The following NRXN1 variants were observed in gnomAD, a reference collection of about 807,000 sequenced individuals.
NRXN1 encodes neurexin 1, also known as neurexin-1.
In NRXN1, 39 loss-of-function variants were observed where a neutral mutation model predicts 150.9. The ratio of observed to expected loss-of-function variants is 0.26; its 90% CI spans 0.20 to 0.34. NRXN1 has a LOEUF of 0.34. NRXN1 is among the 10% of genes least tolerant of loss of function. The pLI is 1.00. For synonymous variants in NRXN1, 924 were observed against 757.0 expected (o/e 1.22, Z -3.62); for missense variants, 1,815 against 1,949.9 (o/e 0.93, Z 1.30).
At chr2:50,893,300 A>G (rs552161550) in intron 5 of NRXN1, among the ~76,000 whole-genome samples, 1 of 152,314 alleles carries the variant, frequency 6.6e-6, no homozygotes, top group South Asian at 2.1e-4. Flanking sequence ...TACTTATAGT[A>G]TATGACTAAT....
At chr2:50,127,560 C>A (rs927564439) in intron 18 of NRXN1, among the ~76,000 whole-genome samples, 3 of 152,122 alleles carry the variant, frequency 2.0e-5, no homozygotes, top group Non-Finnish European at 4.4e-5. Flanking sequence ...CAGGGCTCCA[C>A]AGGAAACTGT....
At chr2:50,328,957 C>T (rs539806065) in intron 17 of NRXN1, among the ~76,000 whole-genome samples, 8 of 152,032 alleles carry the variant, frequency 5.3e-5, no homozygotes, top group Non-Finnish European at 2.9e-5. Context: ...CTCAATACCC[C>T]CTGCCTGTGG....
At chr2:50,216,273 A>G (rs923700657) in intron 18 of NRXN1, among the ~76,000 whole-genome samples, 5 of 152,054 alleles carry the variant, frequency 3.3e-5, no homozygotes, top group African/African-American at 1.2e-4. Context: ...TGAGTTAATT[A>G]TCTCAAATGT....
chr2:49,999,177 T>C (rs983230958), intron 21 of NRXN1, among the ~76,000 whole-genome samples: 2 of 152,198 alleles, frequency 1.3e-5, no homozygotes, highest in Non-Finnish European at 2.9e-5. Context: ...TTAGCTATCA[T>C]GACTTTTTAG....
intron 5 of NRXN1, among the ~76,000 whole-genome samples, chr2:50,655,635 T>C (rs1366061276): frequency 6.6e-6 from 1 of 151,400 alleles, no homozygotes; most frequent in Non-Finnish European, 1.5e-5. Flanking sequence ...GGAATAGTTA[T>C]ATTTTTTGTG....
chr2:51,001,806 C>T (rs965818657), intron 2 of NRXN1, among the ~76,000 whole-genome samples: 3 of 151,912 alleles, frequency 2.0e-5, no homozygotes, highest in African/African-American at 7.2e-5. Flanking sequence ...ACTGCAGAAG[C>T]AGGAAGGTCA....
At chr2:50,794,275 C>T (rs1160466814) in intron 5 of NRXN1, among the ~76,000 whole-genome samples, 4 of 152,126 alleles carry the variant, frequency 2.6e-5, no homozygotes, top group African/African-American at 4.8e-5. Context: ...TTCACATCCT[C>T]TTTCTTATTT....
intron 5 of NRXN1, among the ~76,000 whole-genome samples, chr2:50,749,677 G>C (rs926601726): frequency 6.6e-6 from 1 of 152,118 alleles, no homozygotes; most frequent in Non-Finnish European, 1.5e-5. Flanking sequence ...ATAACTGTTA[G>C]TGGAGAAATA....
chr2:50,104,692 G>T (rs2152715302), intron 18 of NRXN1, among the ~76,000 whole-genome samples: 1 of 152,078 alleles, frequency 6.6e-6, no homozygotes, highest in Non-Finnish European at 1.5e-5. Context: ...TCAAAAGCTT[G>T]TCCTAAATCA....
At chr2:50,427,539 A>G (rs11885804) in intron 17 of NRXN1, among the ~76,000 whole-genome samples, 22,766 of 152,116 alleles carry the variant, frequency 0.15, 2,792 homozygotes, top group East Asian at 0.53. Flanking sequence ...AGTGTCATGT[A>G]AGGAGACATC....
intron 17 of NRXN1, among the ~76,000 whole-genome samples, chr2:50,392,157 A>C (rs2081757090): frequency 6.6e-6 from 1 of 152,192 alleles, no homozygotes; most frequent in African/African-American, 2.4e-5. Context: ...CATGATAACT[A>C]GCGATGAATT....
At chr2:50,518,648 C>A (rs1156337594) in intron 12 of NRXN1, among the ~76,000 whole-genome samples, 1 of 35,246 alleles carries the variant, frequency 2.8e-5, no homozygotes, top group East Asian at 3.8e-4. Context: ...GTCACAAATG[C>A]ATTTTTTTAA....
At chr2:50,682,117 C>A (rs1437447368) in intron 5 of NRXN1, among the ~76,000 whole-genome samples, 1 of 152,142 alleles carries the variant, frequency 6.6e-6, no homozygotes, top group Non-Finnish European at 1.5e-5. Flanking sequence ...GTGCCTACTA[C>A]AAAGAGCATA....
intron 5 of NRXN1, among the ~76,000 whole-genome samples, chr2:50,663,458 G>C (rs1687594250): frequency 6.6e-6 from 1 of 151,928 alleles, no homozygotes; most frequent in Non-Finnish European, 1.5e-5. Context: ...GTAACAAACT[G>C]CCTATTCTAA....
At chr2:50,100,628 T>C (rs184820909) in intron 18 of NRXN1, among the ~76,000 whole-genome samples, 4 of 152,186 alleles carry the variant, frequency 2.6e-5, no homozygotes, top group Admixed American at 1.3e-4. Context: ...GGTACAGACA[T>C]ATCATCAAGC....
chr2:50,403,926 T>A (rs879008477), intron 17 of NRXN1, among the ~76,000 whole-genome samples: 1 of 152,100 alleles, frequency 6.6e-6, no homozygotes, highest in African/African-American at 2.4e-5. Flanking sequence ...CCTCTGAACA[T>A]AAGACAATGT....
intron 17 of NRXN1, among the ~76,000 whole-genome samples, chr2:50,380,141 T>A (rs1275001697): frequency 6.6e-6 from 1 of 152,158 alleles, no homozygotes; most frequent in Admixed American, 6.6e-5. Flanking sequence ...TTGACTACTC[T>A]TTTTAATCTT....
chr2:50,888,555 C>CCT (rs958692252), intron 5 of NRXN1, among the ~76,000 whole-genome samples: 1 of 151,098 alleles, frequency 6.6e-6, no homozygotes, highest in Non-Finnish European at 1.5e-5. Flanking sequence ...TCTTTTCCTC[C>CCT]CTCTCTCTCT....
chr2:49,944,711 C>CTAAG lies in NRXN1; in HGVS notation c.4129-924_4129-921dup, dbSNP rs1672582309. On this transcript the variant is annotated intron_variant, in intron 21 of 22. Coordinates refer to ENST00000401669, the MANE Select transcript of NRXN1 (RefSeq NM_001330078.2). ...AAGGCTTCCATCAGAGTTGGCTCTG[C>CTAAG]TAAGGTAAAACAGAGAATCCAATGT... 2.6e-5 allele frequency among the ~76,000 whole-genome samples: 4 copies of CTAAG among 152,038 alleles called. No homozygotes were observed. In the South Asian group the frequency reaches 8.3e-4, roughly 32 times the overall value.
Sources: allele counts gnomAD v4.1 joint callset (sites outside exome capture counted in the v4.1 genomes callset), GRCh38; gene constraint gnomAD v4.1.1; transcripts MANE v1.5; gene names NCBI Gene and HGNC (gene_info 2026-07-23, HGNC 2026-07-21).